HS3ST5: variants seen among roughly 807,000 people sequenced by gnomAD.
The protein encoded by HS3ST5 is heparan sulfate-glucosamine 3-sulfotransferase 5, also known as heparan sulfate glucosamine 3-O-sulfotransferase 5.
HS3ST5 carries 10 observed loss-of-function variants against 25.4 expected under a neutral mutation model. That is an observed-to-expected ratio of 0.39 (90% CI 0.24 to 0.67). The LOEUF (loss-of-function observed/expected upper bound fraction) is 0.67. Ranked by LOEUF, HS3ST5 falls within the 30% of genes least tolerant of loss-of-function variation. The pLI, the probability that HS3ST5 is intolerant of heterozygous loss-of-function variation, is 0.44. For missense variants in HS3ST5, 324 were observed against 420.7 expected (o/e 0.77, Z 2.01); for synonymous variants, 170 against 162.4 (o/e 1.05, Z -0.36).
chr6:114,295,867 A>G (rs909141070), intron 1 of HS3ST5, among the ~76,000 whole-genome samples: 3 of 152,194 alleles, frequency 2.0e-5, no homozygotes, highest in African/African-American at 7.2e-5. Flanking sequence ...ACCAAGTGGC[A>G]AATAAGATAG....
intron 3 of HS3ST5, among the ~76,000 whole-genome samples, chr6:114,110,129 T>A (rs1197745518): frequency 6.6e-6 from 1 of 152,236 alleles, no homozygotes; most frequent in African/African-American, 2.4e-5. Flanking sequence ...CCTCTTGGGA[T>A]GACTTTTTGA....
intron 1 of HS3ST5, among the ~76,000 whole-genome samples, chr6:114,326,872 T>A (rs976088202): frequency 2.0e-5 from 3 of 152,190 alleles, no homozygotes; most frequent in Non-Finnish European, 2.9e-5. Context: ...AAAATAAACC[T>A]CTATTCTTAA....
chr6:114,231,565 C>G (rs1034664088), intron 1 of HS3ST5: 2 of 152,084 alleles, frequency 1.3e-5, no homozygotes, highest in Non-Finnish European at 2.9e-5. Flanking sequence ...AATATGAAAG[C>G]TTCCAGATTT....
intron 1 of HS3ST5, among the ~76,000 whole-genome samples, chr6:114,253,760 A>G (rs980730984): frequency 6.6e-6 from 1 of 152,194 alleles, no homozygotes; most frequent in Non-Finnish European, 1.5e-5. Context: ...TATTGAATGC[A>G]TGGTGAGATA....
chr6:114,279,607 G>C (rs1383408040), intron 1 of HS3ST5, among the ~76,000 whole-genome samples: 1 of 151,944 alleles, frequency 6.6e-6, no homozygotes, highest in African/African-American at 2.4e-5. Flanking sequence ...GCTCCTGAAG[G>C]CTGTCCCCAT....
chr6:114,072,352 T>C (rs2114735722), intron 3 of HS3ST5, among the ~76,000 whole-genome samples: 1 of 152,302 alleles, frequency 6.6e-6, no homozygotes, highest in South Asian at 2.1e-4. Flanking sequence ...TAGAGTCATG[T>C]GGTGATGCCC....
intron 3 of HS3ST5, among the ~76,000 whole-genome samples, chr6:114,083,869 C>G (rs917452515): frequency 1.3e-5 from 2 of 152,094 alleles, no homozygotes; most frequent in Admixed American, 6.6e-5. Context: ...ACCTATGTTT[C>G]ATGTTTTCTA....
intron 1 of HS3ST5, among the ~76,000 whole-genome samples, chr6:114,256,182 A>G (rs1275837383): frequency 6.6e-6 from 1 of 152,122 alleles, no homozygotes; most frequent in Non-Finnish European, 1.5e-5. Context: ...AGGTCAGGAC[A>G]TCAAGACCAT....
intron 4 of HS3ST5, among the ~76,000 whole-genome samples, chr6:114,060,012 CT>C (rs920623918): frequency 7.1e-6 from 1 of 141,362 alleles, no homozygotes; most frequent in Non-Finnish European, 1.6e-5. Context: ...ATATAGACAA[CT>C]TTTTTTTCTT....
chr6:114,205,338 C>A (rs1178293339), intron 2 of HS3ST5, among the ~76,000 whole-genome samples: 2 of 152,172 alleles, frequency 1.3e-5, no homozygotes, highest in South Asian at 4.2e-4. Context: ...ACTGTACTTA[C>A]AATAACCAGC....
intron 3 of HS3ST5, among the ~76,000 whole-genome samples, chr6:114,113,019 A>G (rs573369607): frequency 1.3e-5 from 2 of 152,264 alleles, no homozygotes; most frequent in East Asian, 3.9e-4. Context: ...AGTAACACTT[A>G]GTAGCTCAGG....
At chr6:114,341,222 G>GGGGAGAGA (rs1776839835) in intron 1 of HS3ST5, among the ~76,000 whole-genome samples, 6 of 46,632 alleles carry the variant, frequency 1.3e-4, no homozygotes, top group African/African-American at 5.0e-4. Context: ...GGAGAGAGGG[G>GGGGAGAGA]GAGAGAGAGA....
chr6:114,208,424 T>C (rs556601256), intron 2 of HS3ST5, among the ~76,000 whole-genome samples: 1 of 152,196 alleles, frequency 6.6e-6, no homozygotes, highest in South Asian at 2.1e-4. Flanking sequence ...CCCAGACAAT[T>C]ATTGTCCCTT....
At chr6:114,337,030 T>C (rs921613953) in intron 1 of HS3ST5, among the ~76,000 whole-genome samples, 2 of 152,240 alleles carry the variant, frequency 1.3e-5, no homozygotes, top group Non-Finnish European at 2.9e-5. Flanking sequence ...TCCTTTTGTC[T>C]ACTCCTAAAC....
At chr6:114,107,980 A>G (rs1432901947) in intron 3 of HS3ST5, among the ~76,000 whole-genome samples, 2 of 152,134 alleles carry the variant, frequency 1.3e-5, no homozygotes, top group Non-Finnish European at 2.9e-5. Context: ...TTTTGGGTAG[A>G]AATTGATAGG....
chr6:114,180,643 T>G (rs1013527158), intron 2 of HS3ST5, among the ~76,000 whole-genome samples: 1 of 152,172 alleles, frequency 6.6e-6, no homozygotes, highest in African/African-American at 2.4e-5. Flanking sequence ...GGACTTGAAC[T>G]TGTGTGCTTT....
intron 1 of HS3ST5, among the ~76,000 whole-genome samples, chr6:114,329,900 C>T (rs972596291): frequency 2.0e-5 from 3 of 151,974 alleles, no homozygotes; most frequent in Admixed American, 2.0e-4. Context: ...TTTTTTGTCC[C>T]AGGAAGAAAG....
At chr6:114,128,793 G>A (rs988802555) in intron 3 of HS3ST5, among the ~76,000 whole-genome samples, 1 of 152,176 alleles carries the variant, frequency 6.6e-6, no homozygotes. Flanking sequence ...CTCCAGTCCA[G>A]TGTGAATGTC....
At chr6:114,169,310 G>A (rs1030816332) in intron 2 of HS3ST5, among the ~76,000 whole-genome samples, 2 of 151,060 alleles carry the variant, frequency 1.3e-5, no homozygotes, top group African/African-American at 4.9e-5. Flanking sequence ...CACACACACA[G>A]ACAATCTCTT....
Sources: gnomAD v4.1 joint callset for allele counts (sites outside exome capture counted in the v4.1 genomes callset) on GRCh38, gnomAD v4.1.1 for gene constraint, MANE v1.5 for transcripts, NCBI Gene and HGNC (gene_info 2026-07-23, HGNC 2026-07-21) for gene names.